Variants in CHODL observed in about 807,000 individuals in gnomAD.
The protein encoded by CHODL is transmembrane protein MT75.
Under a neutral mutation model 34.5 loss-of-function variants are expected in CHODL, and 29 were observed. The observed-to-expected ratio is 0.84, with a 90% CI of 0.63 to 1.15. The LOEUF (loss-of-function observed/expected upper bound fraction) is 1.15. Ranked by LOEUF, CHODL falls within the 50% of genes most tolerant of loss-of-function variation. The pLI is 0.00. For synonymous variants in CHODL, 125 were observed against 116.1 expected (o/e 1.08, Z -0.49); for missense variants, 332 against 332.5 (o/e 1.00, Z 0.01).
At chr21:18,117,225 T>C (rs1294673207) in intron 2 of CHODL, among the ~76,000 whole-genome samples, 1 of 152,206 alleles carries the variant, frequency 6.6e-6, no homozygotes, top group Non-Finnish European at 1.5e-5. Context: ...GGGCTATTAA[T>C]CCCCTCAGCC....
In CHODL at chr21:18,060,146, A is replaced by G. The variant is rs13046766; in HGVS notation, c.-45+32175A>G. 8.2e-3 allele frequency among the ~76,000 whole-genome samples: 1,250 copies of G among 152,204 alleles called. 21 individuals are homozygous for G. Among genetic ancestry groups the G allele is most frequent in the African/African-American group, 0.029 (1,190 of 41,520 alleles). On this transcript the variant is annotated intron_variant, in intron 2 of 6. Coordinates refer to the CHODL transcript ENST00000400127. ...TTCTAACCAGTTCTCTCCTGAAGCC[A>G]CGGGGACACCTTTAAAATGTCAAAC...
At chr21:17,997,932 A>G (rs913899622) in intron 1 of CHODL, among the ~76,000 whole-genome samples, 123 of 152,204 alleles carry the variant, frequency 8.1e-4, no homozygotes, top group African/African-American at 2.8e-3. Flanking sequence ...CACATTTCAA[A>G]ACTAATTATG....
chr21:18,092,832 C>T (rs892328650), intron 2 of CHODL, among the ~76,000 whole-genome samples: 1 of 152,080 alleles, frequency 6.6e-6, no homozygotes, highest in Non-Finnish European at 1.5e-5. Flanking sequence ...TAGAAAATAG[C>T]CTCAAAAGGT....
intron 1 of CHODL, among the ~76,000 whole-genome samples, chr21:18,003,733 A>G (rs1447948079): frequency 6.6e-6 from 1 of 152,158 alleles, no homozygotes; most frequent in African/African-American, 2.4e-5. Context: ...GTTTTATTCA[A>G]AAGTCCTACT....
chr21:17,919,436 G>T (rs1007643472), intron 1 of CHODL, among the ~76,000 whole-genome samples: 4 of 152,178 alleles, frequency 2.6e-5, no homozygotes, highest in African/African-American at 9.7e-5. Flanking sequence ...CAAGGTTTGG[G>T]ATTCCACCCT....
rs58978469 is a variant in CHODL at position 18,162,411 on chromosome 21, T to TTCTCTCTC, written c.-44-94080_-44-94073dup. Reference sequence around the variant, plus strand: ...TGTGCCTTCATATTCACGTGGTGTTTTCTCTCTCTCTCTCTCTCTCTCTCT... The same window carrying TTCTCTCTC: ...TGTGCCTTCATATTCACGTGGTGTTTTCTCTCTCTCTCTCTCTCTCTCTCTCTCTCTCT... On this transcript the variant is annotated intron_variant, in intron 2 of 6. Transcript: ENST00000400127. Among the ~76,000 whole-genome samples the TTCTCTCTC allele has an allele frequency of 5.5e-3, 811 of 147,896 alleles. 3 individuals are homozygous for TTCTCTCTC. Among genetic ancestry groups the TTCTCTCTC allele is most frequent in the African/African-American group, 0.013 (537 of 39,852 alleles).
At chr21:18,259,443 A>T (rs548237894) in intron 3 of CHODL, among the ~76,000 whole-genome samples, 2 of 152,332 alleles carry the variant, frequency 1.3e-5, no homozygotes, top group East Asian at 1.9e-4. Flanking sequence ...TGATGGAATG[A>T]TCTGTGCAGC....
At chr21:18,229,963 G>A (rs1468972349) in intron 2 of CHODL, among the ~76,000 whole-genome samples, 1 of 152,092 alleles carries the variant, frequency 6.6e-6, no homozygotes, top group Non-Finnish European at 1.5e-5. Flanking sequence ...CTTTCAAGCA[G>A]CGACTTGACT....
At chr21:17,995,023 A>G (rs991279569) in intron 1 of CHODL, among the ~76,000 whole-genome samples, 4 of 152,086 alleles carry the variant, frequency 2.6e-5, no homozygotes, top group African/African-American at 7.2e-5. Flanking sequence ...GATGTAGGGC[A>G]CTGCATGGGC....
intron 2 of CHODL, among the ~76,000 whole-genome samples, chr21:18,150,123 T>G (rs1305127102): frequency 6.6e-6 from 1 of 152,160 alleles, no homozygotes; most frequent in Non-Finnish European, 1.5e-5. Flanking sequence ...ATTTAAAAAT[T>G]TTCTGGCTGA....
intron 2 of CHODL, among the ~76,000 whole-genome samples, chr21:18,124,331 A>G (rs2065516603): frequency 6.6e-6 from 1 of 151,578 alleles, no homozygotes; most frequent in African/African-American, 2.4e-5. Flanking sequence ...CTCCCCTGCC[A>G]CTCCCACCCA....
chr21:18,171,120 T>C (rs1447899554), intron 2 of CHODL, among the ~76,000 whole-genome samples: 1 of 150,438 alleles, frequency 6.6e-6, no homozygotes, highest in Non-Finnish European at 1.5e-5. Context: ...ATTTGTTTTT[T>C]TTTTTAATTG....
chr21:18,002,928 C>G (rs1048541634), intron 1 of CHODL, among the ~76,000 whole-genome samples: 13 of 152,000 alleles, frequency 8.6e-5, no homozygotes, highest in Non-Finnish European at 1.3e-4. Flanking sequence ...TCGAGACCAT[C>G]CGGGCTAACA....
chr21:17,922,947 T>A (rs189341896), intron 1 of CHODL, among the ~76,000 whole-genome samples: 1 of 152,216 alleles, frequency 6.6e-6, no homozygotes, highest in East Asian at 1.9e-4. Flanking sequence ...AAGATGAACA[T>A]TGGTTCCTTC....
At chr21:18,055,010 A>G (rs889966049) in intron 2 of CHODL, among the ~76,000 whole-genome samples, 1 of 151,892 alleles carries the variant, frequency 6.6e-6, no homozygotes, top group African/African-American at 2.4e-5. Context: ...TTCACAGTTC[A>G]TTGACCCTGT....
intron 1 of CHODL, among the ~76,000 whole-genome samples, chr21:18,022,640 A>C (rs751561670): frequency 2.6e-4 from 39 of 152,312 alleles, no homozygotes; most frequent in Admixed American, 7.8e-4. Flanking sequence ...CCCAGCCACA[A>C]GTGTCTAGTT....
intron 2 of CHODL, among the ~76,000 whole-genome samples, chr21:18,028,281 TCC>T (rs1568851106): frequency 1.8e-4 from 18 of 101,692 alleles, no homozygotes; most frequent in East Asian, 1.2e-3. Context: ...CTTTTCCCCT[TCC>T]TTCCTTCCTT....
At chr21:18,131,137 G>A (rs1323938539) in intron 2 of CHODL, among the ~76,000 whole-genome samples, 1 of 152,044 alleles carries the variant, frequency 6.6e-6, no homozygotes, top group Non-Finnish European at 1.5e-5. Context: ...AGCAGAGAGA[G>A]AGAGACAGAG....
intron 1 of CHODL, among the ~76,000 whole-genome samples, 182 bp downstream of exon 1, chr21:18,245,484 C>T (rs542275489): frequency 1.3e-5 from 2 of 152,172 alleles, no homozygotes; most frequent in Non-Finnish European, 1.5e-5. Context: ...CTAACACACA[C>T]GCAGAAAAGT....
Sources: gnomAD v4.1 joint callset for allele counts (sites outside exome capture counted in the v4.1 genomes callset) on GRCh38, gnomAD v4.1.1 for gene constraint, MANE v1.5 for transcripts, NCBI Gene and HGNC (gene_info 2026-07-23, HGNC 2026-07-21) for gene names.